PABPC4L: variants seen among roughly 807,000 people sequenced by gnomAD.
PABPC4L encodes poly(A) binding protein cytoplasmic 4 like.
For synonymous variants in PABPC4L, 169 were observed against 164.1 expected, an observed-to-expected ratio of 1.03 and a Z score of -0.23; for missense variants, 452 against 451.4, an observed-to-expected ratio of 1.00 and a Z score of -0.01.
At chr4:134,112,221 A>C in the PABPC4L span, among the ~76,000 whole-genome samples, 1 of 152,086 alleles carries the variant, frequency 6.6e-6, no homozygotes, top group East Asian at 1.9e-4. Context: ...GATAAAAGCT[A>C]AAATAAATGA....
At chr4:134,035,858 C>T in the PABPC4L span, among the ~76,000 whole-genome samples, 31 of 152,112 alleles carry the variant, frequency 2.0e-4, no homozygotes, top group African/African-American at 7.2e-4. Context: ...TATATCTCCT[C>T]CTCTAATATA....
At chr4:134,138,501 G>C in the PABPC4L span, among the ~76,000 whole-genome samples, 6 of 151,554 alleles carry the variant, frequency 4.0e-5, no homozygotes, top group Admixed American at 6.6e-5. Context: ...TTTAATTACT[G>C]TTCATTTTAG....
the PABPC4L span, among the ~76,000 whole-genome samples, chr4:134,039,729 T>C: frequency 1.3e-5 from 2 of 152,092 alleles, no homozygotes; most frequent in Non-Finnish European, 2.9e-5. Context: ...GCATGTGAGA[T>C]GGGTCTCCTG....
chr4:134,070,034 G>A, the PABPC4L span, among the ~76,000 whole-genome samples: 1 of 145,986 alleles, frequency 6.8e-6, no homozygotes, highest in Non-Finnish European at 1.5e-5. Context: ...TGCCCTTGGG[G>A]GTTTGATTTT....
the PABPC4L span, among the ~76,000 whole-genome samples, chr4:134,086,945 C>T: frequency 6.6e-6 from 1 of 151,562 alleles, no homozygotes; most frequent in Non-Finnish European, 1.5e-5. Flanking sequence ...AATGCTATCC[C>T]TCCCCCTTCC....
the PABPC4L span, among the ~76,000 whole-genome samples, chr4:133,970,334 T>A: frequency 6.6e-6 from 1 of 152,136 alleles, no homozygotes; most frequent in Non-Finnish European, 1.5e-5. Flanking sequence ...ATTTTCATGC[T>A]TGGTCTACTC....
the PABPC4L span, among the ~76,000 whole-genome samples, chr4:134,156,222 G>A: frequency 6.6e-6 from 1 of 151,770 alleles, no homozygotes. Flanking sequence ...AAGTAATCTC[G>A]ACCTAAGGGA....
chr4:134,011,234 A>C, the PABPC4L span, among the ~76,000 whole-genome samples: 1 of 152,258 alleles, frequency 6.6e-6, no homozygotes, highest in African/African-American at 2.4e-5. Context: ...ACTGATTTCC[A>C]AAATAAGTAG....
At chr4:134,020,602 G>T in the PABPC4L span, among the ~76,000 whole-genome samples, 6 of 151,870 alleles carry the variant, frequency 4.0e-5, no homozygotes, top group African/African-American at 1.5e-4. Flanking sequence ...GAGTTGCTCT[G>T]GTTTGAATGT....
At chr4:134,009,133 A>G in the PABPC4L span, among the ~76,000 whole-genome samples, 3 of 151,898 alleles carry the variant, frequency 2.0e-5, no homozygotes, top group African/African-American at 7.2e-5. Flanking sequence ...AAACTTTTCA[A>G]AGTAAGAACA....
At chr4:134,186,197 A>G in the PABPC4L span, among the ~76,000 whole-genome samples, 9 of 152,292 alleles carry the variant, frequency 5.9e-5, no homozygotes, top group South Asian at 1.9e-3. Flanking sequence ...TTTAAAGTTC[A>G]TATGGAACCA....
chr4:134,086,143 G>A, the PABPC4L span, among the ~76,000 whole-genome samples: 4 of 149,374 alleles, frequency 2.7e-5, no homozygotes, highest in Non-Finnish European at 5.9e-5. Flanking sequence ...TTTTTTCTTT[G>A]GCATTTTCCT....
At chr4:134,002,439 A>T in the PABPC4L span, among the ~76,000 whole-genome samples, 1 of 152,124 alleles carries the variant, frequency 6.6e-6, no homozygotes, top group East Asian at 1.9e-4. Context: ...AATGAATGCT[A>T]ATACAAGATT....
chr4:133,954,597 T>A, the PABPC4L span, among the ~76,000 whole-genome samples: 2 of 152,120 alleles, frequency 1.3e-5, no homozygotes, highest in African/African-American at 4.8e-5. Flanking sequence ...CAAAGGGGTC[T>A]CTTTAGTTCC....
At chr4:134,150,152 G>T in the PABPC4L span, among the ~76,000 whole-genome samples, 1 of 149,390 alleles carries the variant, frequency 6.7e-6, no homozygotes. Flanking sequence ...GCGCGATCTC[G>T]GCTCACTGCA....
At chr4:134,179,421 C>T in the PABPC4L span, among the ~76,000 whole-genome samples, 2 of 152,058 alleles carry the variant, frequency 1.3e-5, no homozygotes, top group Admixed American at 6.6e-5. Context: ...CTTTACTGCC[C>T]ACTACAAAAA....
the PABPC4L span, among the ~76,000 whole-genome samples, chr4:134,157,437 A>G: frequency 2.0e-5 from 3 of 151,882 alleles, no homozygotes; most frequent in East Asian, 3.9e-4. Flanking sequence ...TATCTTTATG[A>G]AACTTTTGTC....
the PABPC4L span, among the ~76,000 whole-genome samples, chr4:134,058,036 G>A: frequency 6.6e-6 from 1 of 151,880 alleles, no homozygotes; most frequent in Non-Finnish European, 1.5e-5. Flanking sequence ...GAGTTGAGGT[G>A]ATGAAAAATA....
chr4:134,183,909 A>G, the PABPC4L span, among the ~76,000 whole-genome samples: 1 of 151,330 alleles, frequency 6.6e-6, no homozygotes, highest in Admixed American at 6.6e-5. Context: ...TCCCTAAAAG[A>G]TTGTGTGTGT....
Sources: allele counts gnomAD v4.1 joint callset (sites outside exome capture counted in the v4.1 genomes callset), GRCh38; gene constraint gnomAD v4.1.1; transcripts MANE v1.5; gene names NCBI Gene and HGNC (gene_info 2026-07-23, HGNC 2026-07-21).